Variants in SNTG2 observed in about 807,000 individuals in gnomAD.
SNTG2 encodes syntrophin gamma 2, also known as gamma-2-syntrophin.
Under a neutral mutation model 70.9 loss-of-function variants are expected in SNTG2, and 74 were observed. That is an observed-to-expected ratio of 1.04 (90% CI 0.86 to 1.27). The LOEUF is 1.27. Ranked by LOEUF, SNTG2 falls within the 50% of genes most tolerant of loss-of-function variation. The pLI, the probability that SNTG2 is intolerant of heterozygous loss-of-function variation, is 0.00. For missense variants in SNTG2, 717 were observed against 690.7 expected (o/e 1.04, Z -0.43); for synonymous variants, 278 against 273.8 (o/e 1.02, Z -0.15).
rs1340172392 is a variant in SNTG2, at chr2:951,106, C to G, written c.72+38C>G. 7.4e-6 allele frequency: 8 copies of G among 1,080,634 alleles called. No individual in the cohort carries two copies. The South Asian group carries it at 3.1e-4, about 42-fold the overall frequency. The allele number at this position is 1,080,634 out of a possible 1,614,324, so 66.9% of individuals were successfully genotyped here. A position where few individuals can be genotyped will look rare whatever the true frequency, so the allele number is the denominator to read the frequency against. On this transcript the variant is annotated intron_variant, in intron 1 of 16. Transcript: ENST00000308624. ...CCTCAGCGCCCCTTCACCTCCGGCCCCCCTTCCCTCTCCTTCGCGCCCTTC... is the reference window on the plus strand; with the variant it reads ...CCTCAGCGCCCCTTCACCTCCGGCCGCCCTTCCCTCTCCTTCGCGCCCTTC...
chr2:991,809 G>A (rs748484719), intron 1 of SNTG2, among the ~76,000 whole-genome samples: 8 of 152,270 alleles, frequency 5.3e-5, no homozygotes, highest in African/African-American at 9.6e-5. Context: ...ATTCATTCTC[G>A]GTTCATTGTA....
At chr2:1,156,422 C>T (rs555190449) in intron 6 of SNTG2, among the ~76,000 whole-genome samples, 8 of 152,178 alleles carry the variant, frequency 5.3e-5, no homozygotes, top group African/African-American at 1.9e-4. Context: ...AGCAGCTGAA[C>T]AGGTGGAGGC....
At chr2:963,159 A>C (rs1446117477) in intron 1 of SNTG2, among the ~76,000 whole-genome samples, 1 of 152,170 alleles carries the variant, frequency 6.6e-6, no homozygotes, top group Non-Finnish European at 1.5e-5. Context: ...CATTATTTGA[A>C]AGTGATTAAC....
intron 9 of SNTG2, among the ~76,000 whole-genome samples, chr2:1,230,186 G>T (rs985690651): frequency 6.6e-6 from 1 of 152,240 alleles, no homozygotes; most frequent in Non-Finnish European, 1.5e-5. Context: ...TTGTTTTAAT[G>T]ATGAAGTTTT....
intron 6 of SNTG2, among the ~76,000 whole-genome samples, chr2:1,153,125 A>G (rs1467848616): frequency 1.1e-5 from 1 of 89,814 alleles, no homozygotes; most frequent in Non-Finnish European, 1.8e-5. Context: ...ACTCCATCTC[A>G]AAAAAAAAAA....
At chr2:1,236,735 C>A (rs1427316500) in intron 9 of SNTG2, among the ~76,000 whole-genome samples, 1 of 152,152 alleles carries the variant, frequency 6.6e-6, no homozygotes, top group Non-Finnish European at 1.5e-5. Flanking sequence ...GTTATACCAT[C>A]TCTGTTTCCT....
chr2:1,331,937 G>C (rs1462718514), intron 16 of SNTG2, among the ~76,000 whole-genome samples: 16 of 152,078 alleles, frequency 1.1e-4, no homozygotes, highest in Non-Finnish European at 1.5e-5. Flanking sequence ...AACCCAGCCT[G>C]GTGCCTGCTT....
chr2:1,126,410 G>A (rs868743364), intron 4 of SNTG2, among the ~76,000 whole-genome samples: 11 of 152,168 alleles, frequency 7.2e-5, no homozygotes, highest in Middle Eastern at 3.2e-3. Context: ...GCTTTGTTCC[G>A]TATCTTGGCT....
chr2:1,051,167 T>TTCCTCCCTCCCTCCTTCCTTTCC (rs1285119327), intron 1 of SNTG2, among the ~76,000 whole-genome samples: 1 of 136,870 alleles, frequency 7.3e-6, no homozygotes, highest in East Asian at 2.3e-4. Flanking sequence ...TCCCCCTTTC[T>TTCCTCCCTCCCTCCTTCCTTTCC]TCCTCCCTCC....
chr2:1,341,208 A>G (rs896271118), intron 16 of SNTG2: 1 of 152,148 alleles, frequency 6.6e-6, no homozygotes. Context: ...TTCCCCCTTG[A>G]ACTCTGTGCT....
intron 11 of SNTG2, among the ~76,000 whole-genome samples, chr2:1,240,215 T>C (rs557445714): frequency 3.2e-4 from 48 of 152,194 alleles, no homozygotes; most frequent in Non-Finnish European, 5.9e-5. Context: ...CCAGTGGGTG[T>C]TATTGCCAGT....
chr2:1,304,119 C>T (rs867775334), intron 14 of SNTG2, among the ~76,000 whole-genome samples: 3 of 152,190 alleles, frequency 2.0e-5, no homozygotes, highest in South Asian at 2.1e-4. Flanking sequence ...TACCCTTATA[C>T]CAAAAGCAGT....
intron 14 of SNTG2, among the ~76,000 whole-genome samples, chr2:1,308,132 A>G (rs1445243325): frequency 2.0e-5 from 3 of 152,144 alleles, no homozygotes; most frequent in South Asian, 2.1e-4. Flanking sequence ...ATATTCCCCA[A>G]TAGGTACAAT....
At chr2:1,225,909 G>A (rs991773783) in intron 9 of SNTG2, among the ~76,000 whole-genome samples, 3 of 152,176 alleles carry the variant, frequency 2.0e-5, no homozygotes, top group South Asian at 2.1e-4. Flanking sequence ...GAGGGCACAC[G>A]GAGGCCCATT....
intron 6 of SNTG2, chr2:1,163,293 GGTGT>G (rs1211588093): frequency 6.7e-6 from 1 of 150,050 alleles, no homozygotes; most frequent in African/African-American, 2.5e-5. Flanking sequence ...ACAGGAGGTG[GGTGT>G]GTGAGGCCTC....
chr2:1,096,901 G>A (rs1437388544), intron 2 of SNTG2, among the ~76,000 whole-genome samples: 1 of 152,192 alleles, frequency 6.6e-6, no homozygotes, highest in Non-Finnish European at 1.5e-5. Flanking sequence ...TGTCCCAGGA[G>A]TGGCTCTGAC....
chr2:1,215,861 A>G (rs1206561580), intron 9 of SNTG2, among the ~76,000 whole-genome samples: 2 of 152,072 alleles, frequency 1.3e-5, no homozygotes, highest in African/African-American at 4.8e-5. Flanking sequence ...AGCTTCATCC[A>G]TGTCCCTACA....
chr2:1,328,707 T>C (rs4128159), intron 16 of SNTG2, among the ~76,000 whole-genome samples: 2,486 of 152,202 alleles, frequency 0.016, 66 homozygotes, highest in African/African-American at 0.056. Context: ...ACAAAATGAG[T>C]GCATTGGTTA....
chr2:1,316,404 G>T, intron 16 of SNTG2, 29 bp downstream of exon 16: 1 of 1,168,944 alleles, frequency 8.6e-7, no homozygotes, highest in Non-Finnish European at 1.2e-6. Context: ...GGGTTATTCT[G>T]CCACCACCCA....
Sources: gnomAD v4.1 joint callset for allele counts (sites outside exome capture counted in the v4.1 genomes callset) on GRCh38, gnomAD v4.1.1 for gene constraint, MANE v1.5 for transcripts, NCBI Gene and HGNC (gene_info 2026-07-23, HGNC 2026-07-21) for gene names.